Variants in MED14 observed in about 807,000 individuals in gnomAD.
The protein encoded by MED14 is mediator complex subunit 14, also known as mediator of RNA polymerase II transcription subunit 14.
A neutral mutation model predicts 109.0 loss-of-function variants in MED14; 8 were observed. The ratio of observed to expected loss-of-function variants is 0.07; its 90% CI spans 0.04 to 0.13. MED14 has a LOEUF of 0.13. MED14 is among the 10% of genes least tolerant of loss of function. The pLI is 1.00. For missense variants in MED14, 711 were observed against 1,142.4 expected (o/e 0.62, Z 5.44); for synonymous variants, 399 against 408.7 (o/e 0.98, Z 0.29).
intron 13 of MED14, among the ~76,000 whole-genome samples, chrX:40,696,572 C>T (rs1251330353): frequency 9.0e-6 from 1 of 111,630 alleles, no homozygotes; most frequent in African/African-American, 3.3e-5. Flanking sequence ...GAGGACCTTA[C>T]TGTGCACTAA....
chrX:40,677,155 G>A (rs1422024141), intron 21 of MED14, among the ~76,000 whole-genome samples: 1 of 111,668 alleles, frequency 9.0e-6, no homozygotes. Context: ...TAAAAAATGG[G>A]GATCAAAGTC....
chrX:40,707,567 T>C (rs1931197747), intron 10 of MED14, among the ~76,000 whole-genome samples: 1 of 111,977 alleles, frequency 8.9e-6, no homozygotes, highest in Non-Finnish European at 1.9e-5. Flanking sequence ...AAACAAAAGA[T>C]GGTATAGCCA....
chrX:40,690,198 G>A (rs1400117869), intron 15 of MED14, among the ~76,000 whole-genome samples: 1 of 112,086 alleles, frequency 8.9e-6, no homozygotes, highest in Non-Finnish European at 1.9e-5. Flanking sequence ...TAGGAGCTAA[G>A]GCCAGTATCC....
chrX:40,681,747 C>T (rs1930118064), intron 19 of MED14, 105 bp downstream of exon 19: 1 of 436,102 alleles, frequency 2.3e-6, no homozygotes, highest in Admixed American at 4.3e-5. Context: ...TTATCCCTAA[C>T]TTTTACTTGA....
At chrX:40,705,782 T>C (rs749092220) in intron 10 of MED14, among the ~76,000 whole-genome samples, 1 of 111,561 alleles carries the variant, frequency 9.0e-6, no homozygotes, top group East Asian at 2.8e-4. Flanking sequence ...GGTTCATAGC[T>C]TCCAAACTGA....
intron 23 of MED14, among the ~76,000 whole-genome samples, chrX:40,670,000 T>A (rs1259632754): frequency 8.9e-6 from 1 of 112,157 alleles, no homozygotes; most frequent in Non-Finnish European, 1.9e-5. Flanking sequence ...TATCTAGGAA[T>A]CTAAGCAGAG....
chrX:40,660,755 A>G (rs1160770211), intron 26 of MED14, among the ~76,000 whole-genome samples: 1 of 112,339 alleles, frequency 8.9e-6, no homozygotes, highest in Non-Finnish European at 1.9e-5. Flanking sequence ...GGGTCTGATG[A>G]TTACCATTTT....
intron 12 of MED14, among the ~76,000 whole-genome samples, chrX:40,700,942 T>C (rs1324052032): frequency 2.7e-5 from 3 of 111,680 alleles, no homozygotes; most frequent in Non-Finnish European, 3.8e-5. Flanking sequence ...CTGAGTGTTA[T>C]GCCCTTCACA....
intron 18 of MED14, 142 bp downstream of exon 18, chrX:40,682,461 A>C: frequency 2.0e-6 from 1 of 504,602 alleles, no homozygotes; most frequent in Non-Finnish European, 3.1e-6. Flanking sequence ...TTGAAGTCTG[A>C]AGTGAAAGGA....
chrX:40,735,927 A>C, upstream of MED14: 1 of 251,821 alleles, frequency 4.0e-6, no homozygotes. Flanking sequence ...GCTGAGCCGG[A>C]GTCGTCACCG....
At chrX:40,716,324 G>A (rs1366229316) in intron 3 of MED14, among the ~76,000 whole-genome samples, 1 of 111,327 alleles carries the variant, frequency 9.0e-6, no homozygotes, top group African/African-American at 3.3e-5. Context: ...TGTGTGTGGT[G>A]GCTCACATAT....
chrX:40,716,514 C>T (rs1387496204), intron 3 of MED14, among the ~76,000 whole-genome samples: 3 of 106,773 alleles, frequency 2.8e-5, no homozygotes, highest in African/African-American at 1.0e-4. Context: ...CACTTGAGCC[C>T]AGGAGGTTGA....
chrX:40,690,666 C>T (rs957594144), intron 15 of MED14, among the ~76,000 whole-genome samples: 2 of 111,345 alleles, frequency 1.8e-5, no homozygotes, highest in African/African-American at 3.3e-5. Flanking sequence ...CTGCCCACCT[C>T]GGCCTCCCAA....
chrX:40,659,124 T>C lies in MED14; in HGVS notation c.3972+103A>G, dbSNP rs144400488. 4.3e-3 allele frequency: 1,772 copies of C among 409,176 alleles called. 28 individuals carry two copies. The highest frequency in any genetic ancestry group is 0.042 in the African/African-American group (1,607 of 38,610). The allele number at this position is 409,176 out of a possible 1,213,427, so 33.7% of individuals were successfully genotyped here. ...AAAAATTAAGAATTTAAGAGAAAAA[T>C]AGAAGAAACTACATAGATGGGTGAA... is the stretch of plus-strand genomic sequence containing the variant. On this transcript the variant is annotated intron_variant, in intron 28 of 30. Transcript: ENST00000324817.
intron 1 of MED14, among the ~76,000 whole-genome samples, chrX:40,730,244 C>T (rs1932029913): frequency 8.9e-6 from 1 of 112,270 alleles, no homozygotes; most frequent in African/African-American, 3.2e-5. Context: ...CTTATAGTTA[C>T]CTCCTACTCT....
intron 3 of MED14, among the ~76,000 whole-genome samples, chrX:40,725,374 A>G (rs1281436504): frequency 8.9e-6 from 1 of 111,864 alleles, no homozygotes; most frequent in Non-Finnish European, 1.9e-5. Flanking sequence ...AGACACATCA[A>G]AAAAAGAAAA....
Position 40,680,191 on chromosome X carries a change from G to C in MED14, c.2611-58C>G, listed in dbSNP as rs1024745631. 11 of 1,113,647 alleles carry C rather than the reference G, an allele frequency of 9.9e-6. No homozygotes were observed. In the Admixed American group the frequency reaches 2.4e-4, roughly 25 times the overall value. 91.8% of individuals were successfully genotyped at this position (1,113,647 alleles called of 1,213,427 possible). A position where few individuals can be genotyped will look rare whatever the true frequency, so the allele number is the denominator to read the frequency against. Reference sequence around the variant, plus strand: ...TTTCTGTACAAATGTTAAAACCTCAGAATTTTCAGTGTATAACTGTCAAAA... The same window carrying C: ...TTTCTGTACAAATGTTAAAACCTCACAATTTTCAGTGTATAACTGTCAAAA... On this transcript the variant is annotated intron_variant, in intron 20 of 30. Transcript: ENST00000324817.
At chrX:40,678,104 A>G (rs1364515952) in intron 21 of MED14, among the ~76,000 whole-genome samples, 1 of 111,034 alleles carries the variant, frequency 9.0e-6, no homozygotes, top group Non-Finnish European at 1.9e-5. Context: ...GAAAAAAAAC[A>G]AGGCGCCCAC....
Position 40,650,428 on chromosome X carries a change from G to A in MED14, c.*1378C>T, listed in dbSNP as rs945636598. 1.3e-6 allele frequency: 1 copy of A among 752,170 alleles called. No individual in the cohort carries two copies. The highest frequency in any genetic ancestry group is 8.8e-5 in the Admixed American group (1 of 11,425). The allele number at this position is 752,170 out of a possible 1,213,427, so 62.0% of individuals were successfully genotyped here. A position where few individuals can be genotyped will look rare whatever the true frequency, so the allele number is the denominator to read the frequency against. ...AAGCTCAATTAAATCATCTTGAAGT[G>A]GAATTAGACAAAGCATCTACATTTT... On this transcript the variant is annotated 3_prime_UTR_variant, in exon 31 of 31. Coordinates refer to ENST00000324817, the MANE Select transcript of MED14 (RefSeq NM_004229.4).
Sources: gnomAD v4.1 joint callset for allele counts (sites outside exome capture counted in the v4.1 genomes callset) on GRCh38, gnomAD v4.1.1 for gene constraint, MANE v1.5 for transcripts, NCBI Gene and HGNC (gene_info 2026-07-23, HGNC 2026-07-21) for gene names.